Variants in TBC1D1 observed in about 807,000 individuals in gnomAD.
The protein encoded by TBC1D1 is TBC1 (tre-2/USP6, BUB2, cdc16) domain family, member 1.
A neutral mutation model predicts 125.6 loss-of-function variants in TBC1D1; 89 were observed. The ratio of observed to expected loss-of-function variants is 0.71; its 90% CI spans 0.60 to 0.85. The LOEUF (loss-of-function observed/expected upper bound fraction) is 0.85. TBC1D1 is among the 40% of genes least tolerant of loss of function. The pLI, the probability that TBC1D1 is intolerant of heterozygous loss-of-function variation, is 0.00. For synonymous variants in TBC1D1, 565 were observed against 564.1 expected (o/e 1.00, Z -0.02); for missense variants, 1,377 against 1,469.2 (o/e 0.94, Z 1.03).
In TBC1D1 at chr4:38,124,990, CAT is replaced by C. The variant is rs1382139768; in HGVS notation, c.2994_2995del (p.Phe999Ter). 19 of 1,613,972 alleles carry C rather than the reference CAT, an allele frequency of 1.2e-5. No homozygotes were observed. The highest frequency in any genetic ancestry group is 1.6e-5 in the Non-Finnish European group (19 of 1,180,004). ...TGATTTTTCTTCAGGGAACAGAGGTCATATTTAAAGTGGCTTTAAGTCTGTTG... is the reference window on the plus strand; with the variant it reads ...TGATTTTTCTTCAGGGAACAGAGGTCATTTAAAGTGGCTTTAAGTCTGTTG... On this transcript the variant is annotated frameshift_variant, in exon 18 of 20. Coordinates refer to ENST00000261439, the MANE Select transcript of TBC1D1 (RefSeq NM_015173.4). LOFTEE classifies it high-confidence loss of function.
intron 2 of TBC1D1, among the ~76,000 whole-genome samples, chr4:37,930,632 T>C (rs1723070438): frequency 6.6e-6 from 1 of 152,184 alleles, no homozygotes; most frequent in Non-Finnish European, 1.5e-5. Context: ...TGGCTAAACA[T>C]TTTAAAGTCA....
intron 2 of TBC1D1, among the ~76,000 whole-genome samples, chr4:37,957,853 C>T (rs1729220798): frequency 6.6e-6 from 1 of 152,064 alleles, no homozygotes; most frequent in Non-Finnish European, 1.5e-5. Flanking sequence ...TCTGTCTTTC[C>T]TTCCTTTTAT....
intron 2 of TBC1D1, chr4:37,996,025 C>A: frequency 1.9e-6 from 1 of 518,590 alleles, no homozygotes. Context: ...TCCAGTGGGG[C>A]CCGGAGGGAG....
chr4:38,022,484 T>C lies in TBC1D1; in HGVS notation c.1210+766T>C, dbSNP rs145950915. On this transcript the variant is annotated intron_variant, in intron 6 of 19. Transcript: ENST00000261439. ...CCCCAGGCGGTAAAGCCCTGTTACC[T>C]GCCACCAACCATTTCCAGGAGAAGG... Among the ~76,000 whole-genome samples, 877 of 152,344 alleles carry C rather than the reference T, an allele frequency of 5.8e-3. 6 individuals are homozygous for C. Among genetic ancestry groups the C allele is most frequent in the South Asian group, 0.014 (70 of 4,832 alleles).
At chr4:38,114,400 T>C (rs1196216170) in intron 15 of TBC1D1, among the ~76,000 whole-genome samples, 1 of 152,224 alleles carries the variant, frequency 6.6e-6, no homozygotes, top group African/African-American at 2.4e-5. Context: ...TCTGGACTGA[T>C]GAAATTCTTT....
chr4:38,127,012 C>T (rs1209139836), intron 18 of TBC1D1, among the ~76,000 whole-genome samples: 1 of 151,988 alleles, frequency 6.6e-6, no homozygotes, highest in African/African-American at 2.4e-5. Context: ...TCTCTTCTTA[C>T]AGCTTTTGTT....
intron 2 of TBC1D1, among the ~76,000 whole-genome samples, chr4:37,992,493 GTTT>G (rs1006353203): frequency 8.0e-6 from 1 of 125,516 alleles, no homozygotes. Context: ...GAAGTCTGGT[GTTT>G]TTTTTTTTTT....
At position 37,959,174 on chromosome 4, in the gene TBC1D1, C is replaced by T. The variant is rs149727795; in HGVS notation, c.418-55335C>T. On this transcript the variant is annotated intron_variant, in intron 2 of 19. Transcript: ENST00000261439. ...CCTTGAACAATGTGAGGGTTAGGGG[C>T]GCCAATCACCTGCATAGTCGAAAAT... Among the ~76,000 whole-genome samples the T allele has an allele frequency of 7.3e-4, 111 of 152,232 alleles. 1 individual carries two copies. Among genetic ancestry groups the T allele is most frequent in the Admixed American group, 2.4e-3 (36 of 15,290 alleles).
At chr4:38,111,159 A>C (rs1336122688) in intron 15 of TBC1D1, among the ~76,000 whole-genome samples, 3 of 152,256 alleles carry the variant, frequency 2.0e-5, no homozygotes, top group Non-Finnish European at 4.4e-5. Flanking sequence ...TACAGTGCTC[A>C]ACACTGGATT....
intron 2 of TBC1D1, among the ~76,000 whole-genome samples, chr4:37,993,657 C>T (rs1286814709): frequency 4.6e-5 from 7 of 152,246 alleles, no homozygotes; most frequent in African/African-American, 1.7e-4. Context: ...TCTCAACTCA[C>T]TGCAACCTCC....
At chr4:38,133,004 TGTC>T (rs1262317881) in intron 18 of TBC1D1, 77 bp from the exon 21 acceptor site, 8 of 1,296,634 alleles carry the variant, frequency 6.2e-6, no homozygotes, top group Admixed American at 4.3e-5. Context: ...AGGTGCGCAT[TGTC>T]GTGATTGCAG....
At position 37,994,714 on chromosome 4, in the gene TBC1D1, G is replaced by A. The variant is rs144112292; in HGVS notation, c.418-19795G>A. Among the ~76,000 whole-genome samples the A allele has an allele frequency of 2.3e-3, 353 of 152,258 alleles. 1 individual carries two copies. The highest frequency in any genetic ancestry group is 8.1e-3 in the African/African-American group (337 of 41,546). On this transcript the variant is annotated intron_variant, in intron 2 of 19. Transcript: ENST00000261439. Reference sequence around the variant, plus strand: ...CCTAAAACCAAAAATGAAACTTGCCGTGTGACCTGATCAGCAAGAAGGAGG... The same window carrying A: ...CCTAAAACCAAAAATGAAACTTGCCATGTGACCTGATCAGCAAGAAGGAGG...
chr4:38,090,089 A>C lies in TBC1D1; in HGVS notation c.2208A>C (p.Arg736Ser). The C allele has an allele frequency of 6.2e-7, 1 of 1,614,100 alleles. No homozygotes were observed. Among genetic ancestry groups the C allele is most frequent in the Admixed American group, 1.7e-5 (1 of 59,998 alleles). ...TTCTTCAACAGATACTGCTGCTTAG[A>C]ATGGAGAAGGAAAATCAGAAGCTCC... Residue 736 changes from arginine (R) to serine (S), a missense_variant, in exon 13 of 20, where the codon AGA becomes AGC. Arg to Ser is a moderately radical substitution (Grantham distance 110, BLOSUM62 -1). Transcript: ENST00000261439.
intron 15 of TBC1D1, among the ~76,000 whole-genome samples, chr4:38,108,248 A>G (rs1322566327): frequency 1.3e-5 from 2 of 152,138 alleles, no homozygotes; most frequent in Non-Finnish European, 2.9e-5. Context: ...TTCAGGCTTC[A>G]CATCATCTGC....
chr4:38,051,234 G>T (rs867290416), intron 11 of TBC1D1, among the ~76,000 whole-genome samples: 13 of 152,116 alleles, frequency 8.5e-5, no homozygotes, highest in Admixed American at 1.3e-4. Context: ...TCACACATCC[G>T]TAATGGGAGG....
At chr4:37,997,842 G>A (rs138886835) in intron 2 of TBC1D1, among the ~76,000 whole-genome samples, 13 of 152,064 alleles carry the variant, frequency 8.5e-5, no homozygotes, top group African/African-American at 2.9e-4. Flanking sequence ...GTGGATGGGC[G>A]AGGGGATTAT....
chr4:37,979,209 C>T (rs879019885), intron 2 of TBC1D1, among the ~76,000 whole-genome samples: 1 of 152,250 alleles, frequency 6.6e-6, no homozygotes, highest in South Asian at 2.1e-4. Flanking sequence ...AGGACAACAG[C>T]GGAAAAACTA....
At chr4:38,042,942 C>A (rs1460416527) in intron 8 of TBC1D1, among the ~76,000 whole-genome samples, 1 of 152,146 alleles carries the variant, frequency 6.6e-6, no homozygotes, top group Non-Finnish European at 1.5e-5. Context: ...CGCTCTGTCG[C>A]CCAGGCTGGA....
intron 2 of TBC1D1, among the ~76,000 whole-genome samples, chr4:37,989,400 A>G (rs1012892994): frequency 1.3e-5 from 2 of 152,110 alleles, no homozygotes; most frequent in East Asian, 1.9e-4. Flanking sequence ...GACCAAACCA[A>G]TGTACACCTT....
Sources: allele counts gnomAD v4.1 joint callset (sites outside exome capture counted in the v4.1 genomes callset), GRCh38; gene constraint gnomAD v4.1.1; transcripts MANE v1.5; gene names NCBI Gene and HGNC (gene_info 2026-07-23, HGNC 2026-07-21).